Variants in FAM161A observed in about 807,000 individuals in gnomAD.
FAM161A encodes protein FAM161A.
A neutral mutation model predicts 70.9 loss-of-function variants in FAM161A; 57 were observed. That is an observed-to-expected ratio of 0.80 (90% confidence interval 0.65 to 1.00). FAM161A has a LOEUF of 1.00. FAM161A is among the 50% of genes least tolerant of loss of function. The pLI is 0.00. For synonymous variants in FAM161A, 299 were observed against 295.7 expected (o/e 1.01, Z -0.12); for missense variants, 880 against 836.0 (o/e 1.05, Z -0.65).
At chr2:61,824,572 AC>A (rs1172081298), downstream of FAM161A, among the ~76,000 whole-genome samples, 2 of 152,082 alleles carry the variant, frequency 1.3e-5, no homozygotes, top group Admixed American at 1.3e-4. Flanking sequence ...AGTCCTTCCT[AC>A]AGCCACTCAA....
chr2:61,814,155 G>A, the FAM161A span, among the ~76,000 whole-genome samples: 1 of 152,204 alleles, frequency 6.6e-6, no homozygotes, highest in African/African-American at 2.4e-5. Flanking sequence ...GGTGGCTGGA[G>A]TGTCACCTAC....
At chr2:61,812,445 G>C in the FAM161A span, among the ~76,000 whole-genome samples, 1 of 152,234 alleles carries the variant, frequency 6.6e-6, no homozygotes, top group Non-Finnish European at 1.5e-5. Flanking sequence ...CTTTAGTCCA[G>C]GCGTGGTGGC....
chr2:61,807,883 C>G, the FAM161A span, among the ~76,000 whole-genome samples: 1 of 152,190 alleles, frequency 6.6e-6, no homozygotes, highest in Non-Finnish European at 1.5e-5. Flanking sequence ...TCAAATAAAC[C>G]TCCTGCCTTG....
the FAM161A span, among the ~76,000 whole-genome samples, chr2:61,809,199 C>G: frequency 6.6e-6 from 1 of 152,148 alleles, no homozygotes; most frequent in African/African-American, 2.4e-5. Context: ...ACACTCTCTC[C>G]TTGGCCCCCG....
intron 5 of FAM161A, 57 bp from the exon 6 acceptor site, chr2:61,827,315 A>G (rs1672405517): frequency 1.9e-6 from 3 of 1,583,376 alleles, no homozygotes; most frequent in Non-Finnish European, 2.6e-6. Context: ...TTTTCATCAA[A>G]AATGTATAGA....
the FAM161A span, among the ~76,000 whole-genome samples, chr2:61,812,582 C>T: frequency 5.3e-5 from 8 of 151,922 alleles, no homozygotes; most frequent in Non-Finnish European, 1.0e-4. Flanking sequence ...ATTAGCCGGG[C>T]ATGGTGGTGG....
At chr2:61,821,699 T>A (rs1314589420), downstream of FAM161A, among the ~76,000 whole-genome samples, 5 of 152,152 alleles carry the variant, frequency 3.3e-5, no homozygotes, top group Non-Finnish European at 1.5e-5. Context: ...TCCAAAGTGC[T>A]GAGATTACAG....
intron 1 of FAM161A, among the ~76,000 whole-genome samples, chr2:61,852,149 A>G (rs955118510): frequency 6.6e-6 from 1 of 151,030 alleles, no homozygotes; most frequent in Non-Finnish European, 1.5e-5. Flanking sequence ...GTCTCAGAAC[A>G]GTACCAAACT....
chr2:61,806,194 G>C, the FAM161A span, among the ~76,000 whole-genome samples: 1 of 152,128 alleles, frequency 6.6e-6, no homozygotes, highest in Middle Eastern at 3.4e-3. Context: ...CTCAAGCCTG[G>C]GCGACAGAGC....
rs919746761 is a variant in FAM161A, at chr2:61,846,791, C to A, written c.184-4431G>T. 9.5e-5 allele frequency: 34 copies of A among 359,104 alleles called. No homozygotes were observed. In the Middle Eastern group the frequency reaches 1.7e-3, roughly 17 times the overall value. 22.2% of individuals were successfully genotyped at this position (359,104 alleles called of 1,614,324 possible). On this transcript the variant is annotated intron_variant, in intron 1 of 6. Coordinates refer to ENST00000404929, the MANE Select transcript of FAM161A (RefSeq NM_001201543.2). The stretch of plus-strand genomic sequence containing the variant: ...TGTTAGCCCTCTGACTGCTTCCTGT[C>A]GGCTTGTGTCAGTCTAGCAACGGTT...
Position 61,839,453 on chromosome 2 carries a change from C to G in FAM161A, c.1551G>C (p.Thr517=). 1 of 1,614,114 alleles carries G rather than the reference C, an allele frequency of 6.2e-7. No homozygotes were observed. Among genetic ancestry groups the G allele is most frequent in the East Asian group, 2.2e-5 (1 of 44,886 alleles). ...CTTGTTCTCGTCCTCTGGAAGATAC[C>G]GTGGGCACGGGAGGGTTGCAGTTAC... ...VPCNCNPPVP[T]VSSRGREQAV... The change falls in exon 3 of 7, where the codon ACG becomes ACC. Residue 517 remains threonine (T), a synonymous_variant. Transcript: ENST00000404929.
In FAM161A at chr2:61,840,570, T is replaced by C; in HGVS notation, c.434A>G (p.Glu145Gly). The change falls in exon 3 of 7, where the codon GAA (glutamate) becomes GGA (glycine). Residue 145 changes from glutamate (E) to glycine (G), a missense_variant. By Grantham distance (98) the Glu-to-Gly change is moderately conservative. Coordinates refer to ENST00000404929, the MANE Select transcript of FAM161A (RefSeq NM_001201543.2). ...TGAGACAGGGTGATAGGAGTTCTTT[T>C]CTGATACAGATCTAAATGAGAAGAA... ...SLSDSSRSVS[E>G]KNSYHPVSLM... 1.2e-6 allele frequency: 2 copies of C among 1,605,400 alleles called. No homozygotes were observed. The highest frequency in any genetic ancestry group is 1.1e-5 in the South Asian group (1 of 90,886).
chr2:61,844,244 A>T (rs1673125412), intron 1 of FAM161A, among the ~76,000 whole-genome samples: 2 of 152,206 alleles, frequency 1.3e-5, no homozygotes, highest in South Asian at 4.1e-4. Flanking sequence ...CAATTCAATT[A>T]AGAGAATTCT....
downstream of FAM161A, among the ~76,000 whole-genome samples, chr2:61,823,540 A>AT (rs1156392965): frequency 1.3e-5 from 2 of 151,082 alleles, no homozygotes; most frequent in African/African-American, 4.9e-5. Flanking sequence ...TAACTTTTGT[A>AT]TTTTTTGTAG....
At chr2:61,808,649 C>T in the FAM161A span, among the ~76,000 whole-genome samples, 3 of 152,050 alleles carry the variant, frequency 2.0e-5, no homozygotes, top group African/African-American at 4.8e-5. Context: ...ATACAGTATT[C>T]AGGAAATTAT....
intron 5 of FAM161A, among the ~76,000 whole-genome samples, chr2:61,831,704 C>G (rs1479902454): frequency 6.6e-6 from 1 of 152,162 alleles, no homozygotes; most frequent in Non-Finnish European, 1.5e-5. Flanking sequence ...AAGAACCTCA[C>G]AGGAGCAGTG....
the FAM161A span, among the ~76,000 whole-genome samples, chr2:61,813,735 A>G: frequency 1.5e-5 from 2 of 132,602 alleles, no homozygotes; most frequent in Non-Finnish European, 3.4e-5. Flanking sequence ...AAAAAAAAAA[A>G]GAAAAAAGAA....
Position 61,836,011 on chromosome 2 carries a change from T to C in FAM161A, c.1850A>G (p.Gln617Arg). ...CTCTTAAATTCCAATAAACACAACCTGAGCAACTCTTTCAAATAGCAGTGG... is the reference window on the plus strand; with the variant it reads ...CTCTTAAATTCCAATAAACACAACCCGAGCAACTCTTTCAAATAGCAGTGG... The part of the protein sequence containing the change: ...KRPLLFERVA[Q>R]KNARMAAEKH... Residue 617 changes from glutamine to arginine, a missense_variant and splice_region_variant, in exon 5 of 7, where the codon CAG becomes CGG. Coordinates refer to ENST00000404929, the MANE Select transcript of FAM161A (RefSeq NM_001201543.2). 4 of 1,593,716 alleles carry C rather than the reference T, an allele frequency of 2.5e-6. No homozygotes were observed. Among genetic ancestry groups the C allele is most frequent in the Non-Finnish European group, 3.4e-6 (4 of 1,165,526 alleles).
chr2:61,825,783 G>A lies in FAM161A; in HGVS notation c.*672C>T, dbSNP rs1249138312. ...CTCCCAAGTAGCTGGGACTACAGGC[G>A]CCCACCACCACGCCTGGCTAATTTT... On this transcript the variant is annotated 3_prime_UTR_variant, in exon 7 of 7. Coordinates refer to ENST00000404929, the MANE Select transcript of FAM161A (RefSeq NM_001201543.2). 7 of 417,102 alleles carry A rather than the reference G, an allele frequency of 1.7e-5. No individual in the cohort carries two copies. Among genetic ancestry groups the A allele is most frequent in the African/African-American group, 8.3e-5 (4 of 47,924 alleles). 25.8% of individuals were successfully genotyped at this position (417,102 alleles called of 1,614,324 possible). A position where few individuals can be genotyped will look rare whatever the true frequency, so the allele number is the denominator to read the frequency against.
Sources: allele counts gnomAD v4.1 joint callset (sites outside exome capture counted in the v4.1 genomes callset), GRCh38; gene constraint gnomAD v4.1.1; transcripts MANE v1.5; gene names NCBI Gene and HGNC (gene_info 2026-07-23, HGNC 2026-07-21).